SYN3: variants seen among roughly 807,000 people sequenced by gnomAD.
SYN3 encodes synapsin-3.
In SYN3, 35 loss-of-function variants were observed where a neutral mutation model predicts 65.8. That is an observed-to-expected ratio of 0.53 (90% confidence interval 0.41 to 0.70). The LOEUF is 0.70. Ranked by LOEUF, SYN3 falls within the 30% of genes least tolerant of loss-of-function variation. The pLI, the probability that SYN3 is intolerant of heterozygous loss-of-function variation, is 0.00. For synonymous variants in SYN3, 270 were observed against 292.9 expected (o/e 0.92, Z 0.80); for missense variants, 680 against 749.0 (o/e 0.91, Z 1.08).
At chr22:32,942,558 C>T (rs997328751) in intron 3 of SYN3, among the ~76,000 whole-genome samples, 8 of 152,218 alleles carry the variant, frequency 5.3e-5, no homozygotes, top group Non-Finnish European at 7.3e-5. Context: ...TCCAAAGGAA[C>T]GCAGCTTCTC....
At chr22:32,764,929 C>T (rs2045583804) in intron 6 of SYN3, among the ~76,000 whole-genome samples, 1 of 152,144 alleles carries the variant, frequency 6.6e-6, no homozygotes, top group Non-Finnish European at 1.5e-5. Flanking sequence ...GAAATCATGA[C>T]TGAGCCGATT....
At chr22:32,542,658 G>A (rs1267450094) in intron 7 of SYN3, among the ~76,000 whole-genome samples, 12 of 150,476 alleles carry the variant, frequency 8.0e-5, no homozygotes, top group East Asian at 5.9e-4. Flanking sequence ...GTGTGTGCGC[G>A]CGCACACAGG....
At chr22:32,586,624 G>A (rs2059046745) in intron 7 of SYN3, among the ~76,000 whole-genome samples, 1 of 152,124 alleles carries the variant, frequency 6.6e-6, no homozygotes, top group South Asian at 2.1e-4. Flanking sequence ...TTTACGGTTT[G>A]AGAGCTGAAA....
intron 6 of SYN3, among the ~76,000 whole-genome samples, chr22:32,777,390 T>A (rs1355559000): frequency 1.4e-5 from 1 of 73,720 alleles, no homozygotes; most frequent in Non-Finnish European, 2.6e-5. Context: ...CTCCTTCTTT[T>A]TTTTTAATCC....
intron 6 of SYN3, among the ~76,000 whole-genome samples, chr22:32,612,624 T>C (rs879365728): frequency 2.0e-5 from 3 of 152,110 alleles, no homozygotes; most frequent in Non-Finnish European, 4.4e-5. Context: ...GGAGGATCGC[T>C]TAAGGCCAAA....
intron 3 of SYN3, among the ~76,000 whole-genome samples, chr22:32,955,881 CCTACA>C (rs2051438618): frequency 6.6e-6 from 1 of 151,868 alleles, no homozygotes; most frequent in African/African-American, 2.4e-5. Context: ...AGCCTCTCAG[CCTACA>C]TCTTTTTCTC....
chr22:32,778,362 C>G (rs1602124506), intron 6 of SYN3, among the ~76,000 whole-genome samples: 1 of 152,144 alleles, frequency 6.6e-6, no homozygotes, highest in South Asian at 2.1e-4. Context: ...GATCTTGGCT[C>G]ACCACAACCT....
In SYN3 at chr22:32,538,017, C is replaced by T. The variant is rs530616454; in HGVS notation, c.992+19G>A. ...CTACTATGGCCAGTGCCTCTCCCTA[C>T]ACCTCCTTTGTCTCTTACCTCTCTG... is the stretch of plus-strand genomic sequence containing the variant. On this transcript the variant is annotated intron_variant, in intron 9 of 13. Transcript: ENST00000358763. The T allele has an allele frequency of 8.1e-6, 13 of 1,612,854 alleles. No homozygotes were observed. Among genetic ancestry groups the T allele is most frequent in the East Asian group, 4.5e-5 (2 of 44,872 alleles).
chr22:32,674,451 T>C (rs1451421207), intron 6 of SYN3, among the ~76,000 whole-genome samples: 2 of 152,220 alleles, frequency 1.3e-5, no homozygotes, highest in African/African-American at 4.8e-5. Flanking sequence ...CTTTTGTTGC[T>C]ACAGGTAATG....
chr22:33,047,405 C>CA (rs2054086521), intron 1 of SYN3, among the ~76,000 whole-genome samples: 1 of 152,154 alleles, frequency 6.6e-6, no homozygotes, highest in Non-Finnish European at 1.5e-5. Context: ...TACTTTGACT[C>CA]AAAAATTTCT....
At chr22:32,905,824 T>C (rs1444813092) in intron 4 of SYN3, among the ~76,000 whole-genome samples, 1 of 152,202 alleles carries the variant, frequency 6.6e-6, no homozygotes, top group Non-Finnish European at 1.5e-5. Flanking sequence ...GAAGAAGAGA[T>C]ACTGGCACCC....
At chr22:32,908,446 G>A (rs996268418) in intron 4 of SYN3, among the ~76,000 whole-genome samples, 3 of 147,520 alleles carry the variant, frequency 2.0e-5, no homozygotes, top group Admixed American at 1.4e-4. Flanking sequence ...GCTGGGGTTC[G>A]GTGGTATGGT....
chr22:32,968,831 T>G (rs1324049752), intron 3 of SYN3, among the ~76,000 whole-genome samples: 1 of 149,798 alleles, frequency 6.7e-6, no homozygotes, highest in East Asian at 1.9e-4. Context: ...CTTCAATGTC[T>G]ATCTTCCCAC....
intron 7 of SYN3, among the ~76,000 whole-genome samples, chr22:32,577,356 C>T (rs968965930): frequency 6.6e-6 from 1 of 152,196 alleles, no homozygotes; most frequent in Non-Finnish European, 1.5e-5. Flanking sequence ...CTCGAAGGGG[C>T]TCCTGTTGCC....
chr22:32,809,467 C>T (rs771520297), intron 6 of SYN3, among the ~76,000 whole-genome samples: 1 of 152,080 alleles, frequency 6.6e-6, no homozygotes, highest in East Asian at 1.9e-4. Flanking sequence ...CATAACCAAG[C>T]CTTACCTCCT....
chr22:32,540,260 G>A (rs1480680575), intron 8 of SYN3, among the ~76,000 whole-genome samples: 3 of 152,248 alleles, frequency 2.0e-5, no homozygotes, highest in Admixed American at 1.3e-4. Flanking sequence ...AAATGGGCGT[G>A]CATGGCTGTG....
chr22:32,588,480 A>G (rs191715637), intron 7 of SYN3, among the ~76,000 whole-genome samples: 148 of 152,338 alleles, frequency 9.7e-4, no homozygotes, highest in African/African-American at 3.4e-3. Context: ...TGCTTATTTC[A>G]TCTCAGCTGA....
chr22:32,720,793 G>A (rs743745), intron 6 of SYN3, among the ~76,000 whole-genome samples: 1 of 151,896 alleles, frequency 6.6e-6, no homozygotes, highest in Non-Finnish European at 1.5e-5. Flanking sequence ...CTGACTTGGC[G>A]CCCAGGCCTA....
intron 1 of SYN3, among the ~76,000 whole-genome samples, chr22:33,047,859 T>C (rs2027845): frequency 0.091 from 11,287 of 123,860 alleles, 695 homozygotes; most frequent in East Asian, 0.31. Context: ...CCCATTTTCA[T>C]GTGCAAAAAA....
Sources: allele counts gnomAD v4.1 joint callset (sites outside exome capture counted in the v4.1 genomes callset), GRCh38; gene constraint gnomAD v4.1.1; transcripts MANE v1.5; gene names NCBI Gene and HGNC (gene_info 2026-07-23, HGNC 2026-07-21).